The following LRRC1 variants were observed in gnomAD, a reference collection of about 807,000 sequenced individuals.
The protein encoded by LRRC1 is leucine rich repeat containing 1, also known as leucine-rich repeat-containing protein 1.
LRRC1 carries 28 observed loss-of-function variants against 69.9 expected under a neutral mutation model. That is an observed-to-expected ratio of 0.40 (90% CI 0.30 to 0.55). The LOEUF is 0.55. Ranked by LOEUF, LRRC1 falls within the 20% of genes least tolerant of loss-of-function variation. The probability of loss-of-function intolerance (pLI) is 0.47; values close to 1 mark genes in which losing one functional copy is unlikely to be tolerated. For synonymous variants in LRRC1, 236 were observed against 240.2 expected (o/e 0.98, Z 0.16); for missense variants, 498 against 609.0 (o/e 0.82, Z 1.92).
intron 1 of LRRC1, among the ~76,000 whole-genome samples, chr6:53,819,253 T>C (rs1765045351): frequency 6.6e-6 from 1 of 152,136 alleles, no homozygotes; most frequent in African/African-American, 2.4e-5. Flanking sequence ...TCGGGTATCT[T>C]TTCTGGGTTT....
chr6:53,881,362 T>A (rs1189117755), intron 3 of LRRC1, among the ~76,000 whole-genome samples: 1 of 152,206 alleles, frequency 6.6e-6, no homozygotes, highest in Admixed American at 6.5e-5. Context: ...AGCCCTTAGG[T>A]TAACAGCCAG....
At chr6:53,889,276 C>A (rs940739757) in intron 4 of LRRC1, among the ~76,000 whole-genome samples, 1 of 151,990 alleles carries the variant, frequency 6.6e-6, no homozygotes, top group Non-Finnish European at 1.5e-5. Context: ...AATGGTTTAG[C>A]CCCTTTGTAA....
intron 1 of LRRC1, among the ~76,000 whole-genome samples, chr6:53,813,528 G>A (rs1172872703): frequency 7.0e-6 from 1 of 141,900 alleles, no homozygotes; most frequent in East Asian, 2.2e-4. Flanking sequence ...TTACTGCCTG[G>A]CTCAGTGGTT....
chr6:53,852,737 C>G (rs939258942), intron 2 of LRRC1, among the ~76,000 whole-genome samples: 1 of 152,082 alleles, frequency 6.6e-6, no homozygotes, highest in African/African-American at 2.4e-5. Context: ...TAGTTACCCT[C>G]TGAATTTGAA....
intron 2 of LRRC1, among the ~76,000 whole-genome samples, chr6:53,853,765 C>A (rs1454997605): frequency 1.3e-5 from 2 of 152,114 alleles, no homozygotes; most frequent in Non-Finnish European, 2.9e-5. Flanking sequence ...ATTGGTTTTA[C>A]CTTTGAAGGA....
intron 10 of LRRC1, among the ~76,000 whole-genome samples, chr6:53,910,213 A>C (rs752088288): frequency 2.0e-5 from 3 of 152,176 alleles, no homozygotes; most frequent in Admixed American, 6.5e-5. Context: ...ATCCAAGTCC[A>C]ACCCCTTGTA....
Position 53,923,387 on chromosome 6 carries a change from G to A in LRRC1, c.*594G>A, listed in dbSNP as rs998901117. The A allele has an allele frequency of 1.3e-5, 2 of 152,656 alleles. No individual in the cohort carries two copies. Among genetic ancestry groups the A allele is most frequent in the East Asian group, 1.9e-4 (1 of 5,206 alleles). The allele number at this position is 152,656 out of a possible 1,614,324, so 9.5% of individuals were successfully genotyped here. The stretch of plus-strand genomic sequence containing the variant: ...TTGTTTTTATTTGTACCATCCACTT[G>A]TGCCTTACTGTATCCTGTGTCATGT... On this transcript the variant is annotated 3_prime_UTR_variant, in exon 14 of 14. Coordinates refer to ENST00000370888, the MANE Select transcript of LRRC1 (RefSeq NM_018214.5).
intron 11 of LRRC1, among the ~76,000 whole-genome samples, chr6:53,915,535 A>G (rs147408978): frequency 5.9e-5 from 9 of 152,316 alleles, no homozygotes; most frequent in East Asian, 1.9e-4. Flanking sequence ...TAGCAACTCA[A>G]TGAGTCAACA....
At chr6:53,913,139 G>A (rs550983564) in intron 10 of LRRC1, among the ~76,000 whole-genome samples, 43 of 133,608 alleles carry the variant, frequency 3.2e-4, no homozygotes, top group East Asian at 8.9e-4. Flanking sequence ...AATTTGGTGT[G>A]GATGGAGGTG....
At chr6:53,822,627 C>T (rs1353657571) in intron 1 of LRRC1, among the ~76,000 whole-genome samples, 3 of 152,152 alleles carry the variant, frequency 2.0e-5, no homozygotes, top group Admixed American at 6.5e-5. Context: ...GGTTGGTTCA[C>T]GTTTTGACTG....
intron 1 of LRRC1, among the ~76,000 whole-genome samples, chr6:53,800,611 C>G (rs1034065420): frequency 6.6e-6 from 1 of 151,616 alleles, no homozygotes; most frequent in African/African-American, 2.4e-5. Context: ...TTTTTTAAAG[C>G]CAGAATTACA....
chr6:53,903,388 A>G (rs1768125255), intron 9 of LRRC1, among the ~76,000 whole-genome samples: 1 of 151,834 alleles, frequency 6.6e-6, no homozygotes, highest in South Asian at 2.1e-4. Context: ...AGCAGATCTC[A>G]GTCGTCTTTT....
At chr6:53,893,270 G>C (rs9474675) in intron 4 of LRRC1, among the ~76,000 whole-genome samples, 2 of 152,034 alleles carry the variant, frequency 1.3e-5, no homozygotes, top group Non-Finnish European at 2.9e-5. Context: ...AGGGAAAATC[G>C]AGATTCAGCA....
chr6:53,914,492 A>G (rs952993981), intron 11 of LRRC1, among the ~76,000 whole-genome samples: 1 of 152,226 alleles, frequency 6.6e-6, no homozygotes, highest in Admixed American at 6.5e-5. Flanking sequence ...CAAATGATTC[A>G]TAATACAAAA....
chr6:53,826,031 C>T (rs987457611), intron 1 of LRRC1, among the ~76,000 whole-genome samples: 5 of 151,686 alleles, frequency 3.3e-5, no homozygotes, highest in East Asian at 3.9e-4. Flanking sequence ...TCATTCCTGT[C>T]GTTGCTGGCC....
At chr6:53,911,223 C>G (rs1042341632) in intron 10 of LRRC1, among the ~76,000 whole-genome samples, 11 of 152,344 alleles carry the variant, frequency 7.2e-5, no homozygotes, top group African/African-American at 2.4e-4. Context: ...GTAGACAGCT[C>G]ACACACTTCA....
intron 1 of LRRC1, among the ~76,000 whole-genome samples, chr6:53,810,619 C>CA (rs112877066): frequency 1.5e-3 from 187 of 125,648 alleles, no homozygotes; most frequent in East Asian, 1.6e-3. Context: ...GACTCCGTCT[C>CA]AAAAAAAAAA....
rs150288775 is a variant in LRRC1 at position 53,842,630 on chromosome 6, A to G, written c.277+403A>G. On this transcript the variant is annotated intron_variant, in intron 2 of 13. Coordinates refer to ENST00000370888, the MANE Select transcript of LRRC1 (RefSeq NM_018214.5). ...GTCCACTTATTTTGCTGAACATGAT[A>G]TTGAGGACTGGTGGCATGGTTTTTG... is the stretch of plus-strand genomic sequence containing the variant. Among the ~76,000 whole-genome samples the G allele has an allele frequency of 4.5e-3, 678 of 152,242 alleles. 5 individuals are homozygous for G. The highest frequency in any genetic ancestry group is 0.015 in the African/African-American group (637 of 41,526).
chr6:53,814,403 C>T (rs763132411), intron 1 of LRRC1, among the ~76,000 whole-genome samples: 14 of 152,224 alleles, frequency 9.2e-5, no homozygotes, highest in Non-Finnish European at 1.5e-4. Flanking sequence ...GAATTATCCT[C>T]ATGCCACCTA....
Sources: gnomAD v4.1 joint callset for allele counts (sites outside exome capture counted in the v4.1 genomes callset) on GRCh38, gnomAD v4.1.1 for gene constraint, MANE v1.5 for transcripts, NCBI Gene and HGNC (gene_info 2026-07-23, HGNC 2026-07-21) for gene names.